The following CEP72 variants were observed in gnomAD, a reference collection of about 807,000 sequenced individuals.
The protein encoded by CEP72 is centrosomal protein 72.
Under a neutral mutation model 65.7 loss-of-function variants are expected in CEP72, and 78 were observed. The ratio of observed to expected loss-of-function variants is 1.19; its 90% confidence interval spans 0.99 to 1.43. CEP72 has a LOEUF of 1.43. CEP72 is among the 40% of genes most tolerant of loss of function. The pLI is 0.00. For missense variants in CEP72, 914 were observed against 832.9 expected (o/e 1.10, Z -1.20); for synonymous variants, 358 against 351.7 (o/e 1.02, Z -0.20).
At chr5:643,951 G>C (rs1561056069) in intron 9 of CEP72, among the ~76,000 whole-genome samples, 1 of 152,226 alleles carries the variant, frequency 6.6e-6, no homozygotes, top group African/African-American at 2.4e-5. Context: ...CGTCCTGGAA[G>C]AGACAGGGTT....
intron 3 of CEP72, among the ~76,000 whole-genome samples, chr5:621,056 C>A (rs1736357826): frequency 6.6e-6 from 1 of 152,134 alleles, no homozygotes; most frequent in Admixed American, 6.5e-5. Flanking sequence ...CTCAGTCCTC[C>A]TGTGTGAAGT....
rs1421599540 is a variant in CEP72, at chr5:623,551, T to C, written c.404-920T>C. On this transcript the variant is annotated intron_variant, in intron 3 of 11. Coordinates refer to ENST00000264935, the MANE Select transcript of CEP72 (RefSeq NM_018140.4). This position sits in a 1 kb window ranked among gnomAD's most constrained non-coding sequence, Gnocchi z 5.3. The stretch of plus-strand genomic sequence containing the variant: ...TACACAACAGTCCAGAGAAATGTTC[T>C]TGGAGTACGGGATTTGGAACTGACT... 6.6e-6 allele frequency among the ~76,000 whole-genome samples: 1 copy of C among 152,026 alleles called. No individual in the cohort carries two copies. The highest frequency in any genetic ancestry group is 6.6e-5 in the Admixed American group (1 of 15,266).
At chr5:666,186 G>A (rs184352908) in intron 4 of CEP72, 13 of 1,574,676 alleles carry the variant, frequency 8.3e-6, no homozygotes, top group African/African-American at 4.0e-5. Flanking sequence ...CTCCCCACGC[G>A]TGGGTCTGAG....
chr5:659,185 G>A (rs1350694142), downstream of CEP72, among the ~76,000 whole-genome samples: 1 of 152,220 alleles, frequency 6.6e-6, no homozygotes, highest in Non-Finnish European at 1.5e-5. Context: ...ACCCACCTCT[G>A]GGGTTGGTTC....
chr5:648,369 TGACCACGAGGCATG>T (rs1738571714), intron 11 of CEP72, among the ~76,000 whole-genome samples: 1 of 131,014 alleles, frequency 7.6e-6, no homozygotes, highest in African/African-American at 3.3e-5. Flanking sequence ...CTGTGAGGTG[TGACCACGAGGCATG>T]GACTGTGAGA....
chr5:618,252 CA>C (rs1736124037), intron 1 of CEP72, among the ~76,000 whole-genome samples: 1 of 152,156 alleles, frequency 6.6e-6, no homozygotes, highest in Non-Finnish European at 1.5e-5. Flanking sequence ...GCCGAAACTT[CA>C]GGTACGTTCC....
exon 4 of CEP72, chr5:665,954 T>TC: frequency 1.7e-6 from 1 of 587,206 alleles, no homozygotes; most frequent in African/African-American, 2.8e-5. Context: ...CCGCCTTCCA[T>TC]CCCCGCCCTG....
At chr5:658,747 C>T (rs1163064974), downstream of CEP72, among the ~76,000 whole-genome samples, 2 of 137,764 alleles carry the variant, frequency 1.5e-5, no homozygotes, top group African/African-American at 2.6e-5. Flanking sequence ...CGGCTCACTG[C>T]AAGCTCCGCC....
chr5:619,661 G>A (rs991937497), intron 2 of CEP72, among the ~76,000 whole-genome samples: 16 of 152,212 alleles, frequency 1.1e-4, no homozygotes, highest in Admixed American at 7.9e-4. Context: ...AGTCAGATGC[G>A]GACCTAGCCC....
intron 1 of CEP72, among the ~76,000 whole-genome samples, chr5:616,808 GTGTGTGTA>G (rs754451730): frequency 4.2e-4 from 57 of 134,766 alleles, no homozygotes; most frequent in Admixed American, 1.1e-3. Context: ...GTGTGTGTGT[GTGTGTGTA>G]TGTGTGTGTG....
intron 1 of CEP72, among the ~76,000 whole-genome samples, chr5:616,739 C>T (rs907197967): frequency 6.6e-6 from 1 of 152,032 alleles, no homozygotes; most frequent in African/African-American, 2.4e-5. Flanking sequence ...GGACAGCAGT[C>T]AGGATCCATT....
downstream of CEP72, among the ~76,000 whole-genome samples, chr5:654,398 T>C: frequency 6.7e-6 from 1 of 148,392 alleles, no homozygotes; most frequent in South Asian, 2.2e-4. Flanking sequence ...GTGCACTTGC[T>C]ATGTGTGTGC....
At chr5:666,187 T>G (rs2126867361) in intron 4 of CEP72, 1 of 1,571,648 alleles carries the variant, frequency 6.4e-7, no homozygotes, top group Non-Finnish European at 8.6e-7. Flanking sequence ...TCCCCACGCG[T>G]GGGTCTGAGC....
the CEP72 span, among the ~76,000 whole-genome samples, chr5:672,714 C>T: frequency 5.3e-5 from 8 of 152,326 alleles, no homozygotes; most frequent in African/African-American, 1.2e-4. Flanking sequence ...ATGGCTCTAC[C>T]GGGCCCCACT....
intron 6 of CEP72, 86 bp from the exon 7 acceptor site, chr5:637,421 TACATGGGCAC>T: frequency 9.5e-7 from 1 of 1,051,200 alleles, no homozygotes; most frequent in Non-Finnish European, 1.4e-6. Flanking sequence ...TGTGTGTATA[TACATGGGCAC>T]ACACATGCCT....
chr5:668,645 C>T (rs1159783353), downstream of CEP72, among the ~76,000 whole-genome samples: 1 of 152,270 alleles, frequency 6.6e-6, no homozygotes, highest in Non-Finnish European at 1.5e-5. Flanking sequence ...TGGACAGCTT[C>T]TCATCACAGC....
Position 635,406 on chromosome 5 carries a change from G to C in CEP72, c.726G>C (p.Gln242His). The C allele has an allele frequency of 6.2e-7, 1 of 1,613,450 alleles. No individual in the cohort carries two copies. The highest frequency in any genetic ancestry group is 8.5e-7 in the Non-Finnish European group (1 of 1,179,332). Reference sequence around the variant, plus strand: ...ATCTGTTGAGCCCGCAGTTGGTACAGTACCAGTGTGGGGACTCTGGGAAGC... The same window carrying C: ...ATCTGTTGAGCCCGCAGTTGGTACACTACCAGTGTGGGGACTCTGGGAAGC... The part of the protein sequence containing the change: ...SRHLLSPQLV[Q>H]YQCGDSGKQG... The change falls in exon 6 of 12, where the codon CAG becomes CAC. Residue 242 changes from glutamine (Q) to histidine (H), a missense_variant. Gln to His is a conservative substitution (Grantham distance 24). Transcript: ENST00000264935.
At chr5:628,180 C>A (rs545701680) in intron 4 of CEP72, among the ~76,000 whole-genome samples, 1 of 152,240 alleles carries the variant, frequency 6.6e-6, no homozygotes, top group Non-Finnish European at 1.5e-5. Context: ...TGTGTCCCGG[C>A]GTGAAAGCTT....
At chr5:641,416 C>G in intron 9 of CEP72, 1 of 985,456 alleles carries the variant, frequency 1.0e-6, no homozygotes, top group Non-Finnish European at 1.2e-6. Context: ...TGAAGTCGGC[C>G]CGGGACGGCT....
Sources: allele counts gnomAD v4.1 joint callset (sites outside exome capture counted in the v4.1 genomes callset), GRCh38; gene constraint gnomAD v4.1.1; non-coding constraint Gnocchi (gnomAD v3.1); transcripts MANE v1.5; gene names NCBI Gene and HGNC (gene_info 2026-07-23, HGNC 2026-07-21).